Variants in TMEM117 observed in about 807,000 individuals in gnomAD.
The protein encoded by TMEM117 is transmembrane protein 117.
TMEM117 carries 27 observed loss-of-function variants against 52.4 expected under a neutral mutation model. That is an observed-to-expected ratio of 0.51 (90% CI 0.38 to 0.71). TMEM117 has a LOEUF of 0.71. Ranked by LOEUF, TMEM117 falls within the 30% of genes least tolerant of loss-of-function variation. The probability of loss-of-function intolerance (pLI) is 0.00; values close to 1 mark genes in which losing one functional copy is unlikely to be tolerated. For synonymous variants in TMEM117, 215 were observed against 206.3 expected, an observed-to-expected ratio of 1.04 and a Z score of -0.36; for missense variants, 556 against 630.5, an observed-to-expected ratio of 0.88 and a Z score of 1.26.
In TMEM117 at chr12:44,055,002, C is replaced by T. The variant is rs540558817; in HGVS notation, c.411-88523C>T. Among the ~76,000 whole-genome samples, 90 of 152,220 alleles carry T rather than the reference C, an allele frequency of 5.9e-4. 4 individuals are homozygous for T. The South Asian group carries it at 8.3e-3, about 14-fold the overall frequency. The stretch of plus-strand genomic sequence containing the variant: ...AGACTAGCCACGGCCATAAACTCAC[C>T]TCAGTGTTAATCCTACTCAGAATTT... On this transcript the variant is annotated intron_variant, in intron 3 of 7. Transcript: ENST00000266534.
downstream of TMEM117, among the ~76,000 whole-genome samples, chr12:44,392,799 A>G (rs942263273): frequency 6.6e-6 from 1 of 151,020 alleles, no homozygotes; most frequent in Non-Finnish European, 1.5e-5. Context: ...CATTGAAATT[A>G]CTCTAAGTCT....
intron 2 of TMEM117, among the ~76,000 whole-genome samples, chr12:43,906,853 G>A (rs927323930): frequency 1.7e-4 from 26 of 152,238 alleles, no homozygotes; most frequent in Admixed American, 3.9e-4. Context: ...CTACCCCCAC[G>A]GAGTCTCGCT....
At chr12:44,084,782 A>T (rs1476785594) in intron 3 of TMEM117, among the ~76,000 whole-genome samples, 1 of 152,066 alleles carries the variant, frequency 6.6e-6, no homozygotes, top group Non-Finnish European at 1.5e-5. Flanking sequence ...TGCTAAATAT[A>T]CTCTTACGTT....
intron 2 of TMEM117, among the ~76,000 whole-genome samples, chr12:43,851,342 T>G (rs763584559): frequency 6.6e-6 from 1 of 152,300 alleles, no homozygotes; most frequent in Non-Finnish European, 1.5e-5. Flanking sequence ...TTGATATGTT[T>G]AGAATTTTTT....
At chr12:44,285,058 G>A (rs1334666784) in intron 5 of TMEM117, among the ~76,000 whole-genome samples, 3 of 152,142 alleles carry the variant, frequency 2.0e-5, no homozygotes, top group African/African-American at 4.8e-5. Context: ...CAGTGGCTGG[G>A]CACTGCAGAA....
At chr12:44,057,743 C>T (rs1317523555) in intron 3 of TMEM117, among the ~76,000 whole-genome samples, 2 of 152,080 alleles carry the variant, frequency 1.3e-5, no homozygotes, top group African/African-American at 4.8e-5. Flanking sequence ...CTCTGTTCTG[C>T]CACATTGATA....
intron 1 of TMEM117, among the ~76,000 whole-genome samples, chr12:43,839,249 C>G (rs541718562): frequency 6.6e-6 from 1 of 152,248 alleles, no homozygotes; most frequent in South Asian, 2.1e-4. Context: ...AACCAGGAAA[C>G]AGACAGGCCT....
chr12:44,028,685 A>G (rs1946582576), intron 3 of TMEM117, among the ~76,000 whole-genome samples: 2 of 152,204 alleles, frequency 1.3e-5, no homozygotes, highest in Admixed American at 6.5e-5. Context: ...CTTGATTAGC[A>G]TATCATCAAG....
the TMEM117 span, among the ~76,000 whole-genome samples, chr12:43,829,020 C>G: frequency 6.6e-6 from 1 of 152,168 alleles, no homozygotes; most frequent in East Asian, 1.9e-4. Context: ...CTTCTGAGCT[C>G]AAGCCTTCCT....
intron 2 of TMEM117, among the ~76,000 whole-genome samples, chr12:43,847,772 G>T (rs926672161): frequency 1.3e-5 from 2 of 152,110 alleles, no homozygotes; most frequent in Admixed American, 1.3e-4. Flanking sequence ...ATTGACAGGG[G>T]GTTGTGGTTG....
chr12:44,035,008 C>T (rs1405295650), intron 3 of TMEM117, among the ~76,000 whole-genome samples: 1 of 152,228 alleles, frequency 6.6e-6, no homozygotes, highest in East Asian at 1.9e-4. Flanking sequence ...CTCATCTTCT[C>T]TGGTCCTCAA....
At chr12:44,037,520 C>T (rs532924652) in intron 3 of TMEM117, among the ~76,000 whole-genome samples, 3 of 152,250 alleles carry the variant, frequency 2.0e-5, no homozygotes, top group Non-Finnish European at 4.4e-5. Context: ...AGATAGGCTC[C>T]TAGGCAGAAA....
At chr12:44,206,438 C>T (rs1365168477) in intron 4 of TMEM117, among the ~76,000 whole-genome samples, 1 of 152,114 alleles carries the variant, frequency 6.6e-6, no homozygotes, top group Non-Finnish European at 1.5e-5. Flanking sequence ...TGTTTATGGC[C>T]AGATTTGGGG....
chr12:44,166,161 T>A (rs922232643), intron 4 of TMEM117, among the ~76,000 whole-genome samples: 5 of 152,132 alleles, frequency 3.3e-5, no homozygotes, highest in Non-Finnish European at 7.4e-5. Context: ...ATAAAAATAG[T>A]TCTTGAAACA....
the TMEM117 span, chr12:43,804,375 TAA>T: frequency 1.5e-6 from 1 of 684,674 alleles, no homozygotes; most frequent in Admixed American, 2.9e-5. Flanking sequence ...CAAGTTACCG[TAA>T]GATTTGAACT....
the TMEM117 span, among the ~76,000 whole-genome samples, chr12:43,803,903 C>G: frequency 6.6e-6 from 1 of 152,024 alleles, no homozygotes; most frequent in Non-Finnish European, 1.5e-5. Flanking sequence ...GACTGAGTAC[C>G]TATAACAATA....
intron 1 of TMEM117, among the ~76,000 whole-genome samples, chr12:43,842,218 A>G (rs766961): frequency 0.03 from 4,546 of 152,254 alleles, 148 homozygotes; most frequent in African/African-American, 0.075. Flanking sequence ...GCTCTCTTTG[A>G]TGTGAGAGTC....
intron 6 of TMEM117, among the ~76,000 whole-genome samples, chr12:44,348,418 A>G (rs1349009879): frequency 6.6e-6 from 1 of 151,786 alleles, no homozygotes; most frequent in Non-Finnish European, 1.5e-5. Flanking sequence ...CCTTTACCCC[A>G]AGGTACCAAT....
chr12:44,029,208 C>A (rs1946592299), intron 3 of TMEM117, among the ~76,000 whole-genome samples: 1 of 152,182 alleles, frequency 6.6e-6, no homozygotes, highest in South Asian at 2.1e-4. Flanking sequence ...GGAGTTCCTT[C>A]TAAGATTTAG....
Sources: gnomAD v4.1 joint callset for allele counts (sites outside exome capture counted in the v4.1 genomes callset) on GRCh38, gnomAD v4.1.1 for gene constraint, MANE v1.5 for transcripts, NCBI Gene and HGNC (gene_info 2026-07-23, HGNC 2026-07-21) for gene names.